The following IL1RAPL1 variants were observed in gnomAD, a reference collection of about 807,000 sequenced individuals.
The protein encoded by IL1RAPL1 is interleukin-1 receptor accessory protein-like 1.
A neutral mutation model predicts 48.4 loss-of-function variants in IL1RAPL1; 3 were observed. The ratio of observed to expected loss-of-function variants is 0.06; its 90% CI spans 0.03 to 0.16. The LOEUF (loss-of-function observed/expected upper bound fraction) is 0.16, where lower values mean the gene tolerates loss of function less well. IL1RAPL1 is among the 10% of genes least tolerant of loss of function. The pLI is 1.00. For synonymous variants in IL1RAPL1, 185 were observed against 187.7 expected, an observed-to-expected ratio of 0.99 and a Z score of 0.12; for missense variants, 349 against 530.6, an observed-to-expected ratio of 0.66 and a Z score of 3.36.
chrX:29,419,382 A>G (rs1056589136), intron 5 of IL1RAPL1, among the ~76,000 whole-genome samples: 1 of 109,062 alleles, frequency 9.2e-6, no homozygotes, highest in Admixed American at 9.9e-5. Flanking sequence ...GTGCAATGGC[A>G]TGATCTCGGC....
intron 2 of IL1RAPL1, among the ~76,000 whole-genome samples, chrX:29,091,019 G>C (rs992737274): frequency 8.9e-6 from 1 of 112,079 alleles, no homozygotes; most frequent in African/African-American, 3.2e-5. Flanking sequence ...CCATCTATTG[G>C]CTTCCAAGGA....
At chrX:29,237,616 G>A (rs1931334530) in intron 2 of IL1RAPL1, among the ~76,000 whole-genome samples, 1 of 112,652 alleles carries the variant, frequency 8.9e-6, no homozygotes. Context: ...TGCATATTAA[G>A]GGCCCTGAAT....
At chrX:28,978,636 C>T (rs757401265) in intron 2 of IL1RAPL1, among the ~76,000 whole-genome samples, 5 of 111,593 alleles carry the variant, frequency 4.5e-5, no homozygotes, top group Admixed American at 2.9e-4. Context: ...TAGGAGCCAA[C>T]TTGAATCTAG....
intron 2 of IL1RAPL1, among the ~76,000 whole-genome samples, chrX:28,935,379 A>G (rs1471418890): frequency 2.7e-5 from 3 of 111,650 alleles, no homozygotes; most frequent in Non-Finnish European, 5.6e-5. Context: ...TTTGTTGAAA[A>G]AACTATTTTT....
At chrX:29,178,801 G>C (rs1007458582) in intron 2 of IL1RAPL1, among the ~76,000 whole-genome samples, 19 of 111,884 alleles carry the variant, frequency 1.7e-4, no homozygotes, top group African/African-American at 6.2e-4. Context: ...TCCAGTTTCA[G>C]CTTTCTACAT....
chrX:29,394,275 A>G, intron 3 of IL1RAPL1, among the ~76,000 whole-genome samples: 1 of 111,233 alleles, frequency 9.0e-6, no homozygotes, highest in Admixed American at 9.6e-5. Context: ...TCTTCCTTAC[A>G]GTCAAATCCA....
At chrX:29,235,394 A>T (rs1378042507) in intron 2 of IL1RAPL1, among the ~76,000 whole-genome samples, 6 of 111,655 alleles carry the variant, frequency 5.4e-5, no homozygotes, top group Admixed American at 9.5e-5. Context: ...TACTGACTCT[A>T]GTTCAGACCT....
At chrX:29,271,848 C>G (rs895256497) in intron 2 of IL1RAPL1, among the ~76,000 whole-genome samples, 1 of 111,556 alleles carries the variant, frequency 9.0e-6, no homozygotes, top group Admixed American at 9.5e-5. Context: ...TTGGTTTTTG[C>G]TTTTTGTTTT....
At position 28,779,710 on chromosome X, in the gene IL1RAPL1, C is replaced by G. The variant is rs183517693; in HGVS notation, c.-24-9610C>G. Reference sequence around the variant, plus strand: ...GGAAAGATTGAATCAAGCTAATTAGCGTATTGCTCATCTTAAATACTTACC... The same window carrying G: ...GGAAAGATTGAATCAAGCTAATTAGGGTATTGCTCATCTTAAATACTTACC... On this transcript the variant is annotated intron_variant, in intron 1 of 10. Coordinates refer to ENST00000378993, the MANE Select transcript of IL1RAPL1 (RefSeq NM_014271.4). Among the ~76,000 whole-genome samples, 230 of 83,972 alleles carry G rather than the reference C, an allele frequency of 2.7e-3. 1 individual carries two copies. The highest frequency in any genetic ancestry group is 4.2e-3 in the Non-Finnish European group (186 of 44,188). The allele number at this position is 83,972 out of a possible 115,157, so 72.9% of individuals were successfully genotyped here. A position where few individuals can be genotyped will look rare whatever the true frequency, so the allele number is the denominator to read the frequency against.
intron 1 of IL1RAPL1, among the ~76,000 whole-genome samples, chrX:28,603,138 T>C (rs1934045125): frequency 8.9e-6 from 1 of 112,056 alleles, no homozygotes; most frequent in Non-Finnish European, 1.9e-5. Context: ...ACTGGAGTTG[T>C]AGGCAACATA....
intron 1 of IL1RAPL1, among the ~76,000 whole-genome samples, chrX:28,672,163 T>C (rs1226071036): frequency 1.8e-5 from 2 of 111,543 alleles, no homozygotes; most frequent in Non-Finnish European, 3.8e-5. Context: ...GACCTTATAA[T>C]TGAACGTTGC....
At chrX:29,219,633 C>G (rs1167632573) in intron 2 of IL1RAPL1, among the ~76,000 whole-genome samples, 1 of 111,404 alleles carries the variant, frequency 9.0e-6, no homozygotes, top group African/African-American at 3.3e-5. Flanking sequence ...TGACCTTCCT[C>G]CAAATATTTC....
chrX:29,102,331 C>T (rs1236064748), intron 2 of IL1RAPL1, among the ~76,000 whole-genome samples: 1 of 111,845 alleles, frequency 8.9e-6, no homozygotes, highest in East Asian at 2.8e-4. Context: ...CTAGAGGAGT[C>T]AGACAAGAGA....
intron 2 of IL1RAPL1, among the ~76,000 whole-genome samples, chrX:29,121,339 A>C (rs547680859): frequency 4.4e-5 from 5 of 112,432 alleles, no homozygotes; most frequent in South Asian, 7.4e-4. Flanking sequence ...AAATATTGTT[A>C]AGTCAAAAGT....
chrX:29,123,658 TGTG>T (rs1928843001), intron 2 of IL1RAPL1, among the ~76,000 whole-genome samples: 1 of 110,833 alleles, frequency 9.0e-6, no homozygotes, highest in African/African-American at 3.3e-5. Flanking sequence ...AAGGAGAAAA[TGTG>T]GTGTTTTAAA....
intron 6 of IL1RAPL1, among the ~76,000 whole-genome samples, chrX:29,735,012 A>G (rs1306319864): frequency 1.9e-5 from 2 of 106,771 alleles, no homozygotes; most frequent in East Asian, 3.0e-4. Context: ...TATTGCCATT[A>G]TAGTAACTTA....
intron 6 of IL1RAPL1, among the ~76,000 whole-genome samples, chrX:29,888,985 C>T (rs756691708): frequency 5.4e-5 from 6 of 111,861 alleles, no homozygotes; most frequent in Non-Finnish European, 3.8e-5. Flanking sequence ...ATAATTAACC[C>T]TTCAAAACTA....
intron 6 of IL1RAPL1, among the ~76,000 whole-genome samples, chrX:29,848,632 G>A (rs191386168): frequency 2.3e-3 from 251 of 111,224 alleles, no homozygotes; most frequent in African/African-American, 7.6e-3. Context: ...TTGTGGATGC[G>A]TTAGTCATAT....
chrX:29,120,202 A>C (rs2147476298), intron 2 of IL1RAPL1, among the ~76,000 whole-genome samples: 1 of 112,399 alleles, frequency 8.9e-6, no homozygotes, highest in South Asian at 3.6e-4. Context: ...ACTTTGTCAT[A>C]AATTCTTGCC....
Sources: gnomAD v4.1 joint callset for allele counts (sites outside exome capture counted in the v4.1 genomes callset) on GRCh38, gnomAD v4.1.1 for gene constraint, MANE v1.5 for transcripts, NCBI Gene and HGNC (gene_info 2026-07-23, HGNC 2026-07-21) for gene names.